GRK1: variants seen among roughly 807,000 people sequenced by gnomAD.
GRK1 encodes G protein-coupled receptor kinase 1.
A neutral mutation model predicts 41.7 loss-of-function variants in GRK1; 28 were observed. That is an observed-to-expected ratio of 0.67 (90% CI 0.50 to 0.92). The LOEUF (loss-of-function observed/expected upper bound fraction) is 0.92. Ranked by LOEUF, GRK1 falls within the 40% of genes least tolerant of loss-of-function variation. GRK1 has a pLI of 0.00. For missense variants in GRK1, 703 were observed against 671.2 expected, an observed-to-expected ratio of 1.05 and a Z score of -0.52; for synonymous variants, 327 against 286.7, an observed-to-expected ratio of 1.14 and a Z score of -1.42.
At position 113,731,622 on chromosome 13, in the gene GRK1, G is replaced by A. The variant is rs911524632; in HGVS notation, c.1194+279G>A. On this transcript the variant is annotated intron_variant, in intron 5 of 6. Coordinates refer to ENST00000335678, the MANE Select transcript of GRK1 (RefSeq NM_002929.3). This position sits in a 1 kb window ranked among gnomAD's most constrained non-coding sequence, Gnocchi z 5.6. ...AGCAAGCAGACCCTCCCACCAGACA[G>A]CACGCCACCACTCAGCCTCTGAGGG... is the stretch of plus-strand genomic sequence containing the variant. 6.6e-6 allele frequency among the ~76,000 whole-genome samples: 1 copy of A among 152,198 alleles called. No homozygotes were observed. The highest frequency in any genetic ancestry group is 1.5e-5 in the Non-Finnish European group (1 of 68,020).
At chr13:113,665,171 G>C (rs760049888), upstream of GRK1, among the ~76,000 whole-genome samples, 2 of 152,162 alleles carry the variant, frequency 1.3e-5, no homozygotes, top group African/African-American at 2.4e-5. Context: ...TCCTTTCTGC[G>C]ACCCTTTGCT....
rs981966802 is a variant in GRK1, at chr13:113,731,189, C to T, written c.1070-30C>T. ...GCGTGCCCACCATGGAGGTGACCAC[C>T]TCTGAACCCGCAATGTCCCTTGCTG... On this transcript the variant is annotated intron_variant, in intron 4 of 6. Coordinates refer to ENST00000335678, the MANE Select transcript of GRK1 (RefSeq NM_002929.3). The surrounding 1 kb of genome is among the most constrained non-coding windows in gnomAD (Gnocchi z 5.6). The T allele has an allele frequency of 2.0e-6, 3 of 1,535,116 alleles. No individual in the cohort carries two copies. The highest frequency in any genetic ancestry group is 2.7e-5 in the African/African-American group (2 of 73,030).
chr13:113,658,087 A>G, the GRK1 span: 1 of 1,612,248 alleles, frequency 6.2e-7, no homozygotes, highest in Non-Finnish European at 8.5e-7. Flanking sequence ...TTCCAGCAGT[A>G]ACGCTGGAAC....
chr13:113,668,159 C>T (rs2049832808), intron 1 of GRK1, 74 bp downstream of exon 1: 2 of 1,459,250 alleles, frequency 1.4e-6, no homozygotes, highest in African/African-American at 2.8e-5. Flanking sequence ...GCAGAGGGCC[C>T]CCAGGTCACT....
the GRK1 span, chr13:113,653,462 G>A: frequency 1.8e-5 from 29 of 1,583,332 alleles, no homozygotes; most frequent in East Asian, 1.1e-4. Context: ...TGTGCTTAGC[G>A]TCTCCAAATG....
chr13:113,733,666 TGTGCAC>T lies in GRK1; in HGVS notation c.1396+585_1396+590del, dbSNP rs768410502. 3.3e-3 allele frequency among the ~76,000 whole-genome samples: 305 copies of T among 93,004 alleles called. 6 individuals are homozygous for T. The highest frequency in any genetic ancestry group is 0.015 in the African/African-American group (293 of 19,868). The allele number at this position is 93,004 out of a possible 152,430, so 61.0% of individuals were successfully genotyped here. Reference sequence around the variant, plus strand: ...ATGTGTGCATACGTGTGTGTGCGTGTGTGCACGTGTGTGCATGTATGTGTGCATACA... The same window carrying T: ...ATGTGTGCATACGTGTGTGTGCGTGTGTGTGTGCATGTATGTGTGCATACA... On this transcript the variant is annotated intron_variant, in intron 6 of 6. Transcript: ENST00000335678.
upstream of GRK1, among the ~76,000 whole-genome samples, chr13:113,664,107 C>G (rs1345604887): frequency 1.3e-5 from 2 of 152,082 alleles, no homozygotes; most frequent in Admixed American, 6.6e-5. The surrounding 1 kb of genome is among the most constrained non-coding windows in gnomAD (Gnocchi z 5.4). Context: ...ATGGCTGACA[C>G]CTGGGAACAG....
At chr13:113,733,368 C>A (rs2049951818) in intron 6 of GRK1, among the ~76,000 whole-genome samples, 1 of 152,250 alleles carries the variant, frequency 6.6e-6, no homozygotes, top group African/African-American at 2.4e-5. Context: ...ACCACGTCCC[C>A]TGGTGCTGGA....
chr13:113,733,703 G>GCA (rs2049962485), intron 6 of GRK1, among the ~76,000 whole-genome samples: 7 of 148,124 alleles, frequency 4.7e-5, no homozygotes, highest in African/African-American at 1.3e-4. Context: ...ATACATGTGT[G>GCA]CGTGTGTGCG....
At chr13:113,652,767 T>G in the GRK1 span, 2 of 1,352,482 alleles carry the variant, frequency 1.5e-6, no homozygotes, top group South Asian at 2.5e-5. Context: ...CCTGTCCCGC[T>G]TGGGCAAGCC....
intron 4 of GRK1, among the ~76,000 whole-genome samples, chr13:113,724,968 G>A (rs990403566): frequency 6.6e-6 from 1 of 152,238 alleles, no homozygotes; most frequent in East Asian, 1.9e-4. Flanking sequence ...CAGGCCGAGG[G>A]TGAGGGCCCG....
In GRK1 at chr13:113,731,423, T is replaced by C; in HGVS notation, c.1194+80T>C. The C allele has an allele frequency of 1.3e-6, 2 of 1,515,366 alleles. No homozygotes were observed. Among genetic ancestry groups the C allele is most frequent in the Non-Finnish European group, 1.8e-6 (2 of 1,133,540 alleles). 93.9% of individuals were successfully genotyped at this position (1,515,366 alleles called of 1,614,324 possible). On this transcript the variant is annotated intron_variant, in intron 5 of 6. Transcript: ENST00000335678. The surrounding 1 kb of genome is among the most constrained non-coding windows in gnomAD (Gnocchi z 5.6). The stretch of plus-strand genomic sequence containing the variant: ...TGGGGACGGGGCAGTGATGGGATCG[T>C]TACTGGGGCAGACCTGGGAGTTGTT...
intron 6 of GRK1, among the ~76,000 whole-genome samples, chr13:113,733,960 G>GTGTGTA (rs2049978029): frequency 8.1e-6 from 1 of 124,020 alleles, no homozygotes; most frequent in African/African-American, 2.9e-5. Flanking sequence ...GTGTGCATAC[G>GTGTGTA]TGTGTGTGCG....
chr13:113,650,375 G>T, the GRK1 span: 1 of 1,588,074 alleles, frequency 6.3e-7, no homozygotes, highest in Non-Finnish European at 8.6e-7. The surrounding 1 kb of genome is among the most constrained non-coding windows in gnomAD (Gnocchi z 5.0). Flanking sequence ...CAGCAGCTGT[G>T]GTGAGGGAAG....
chr13:113,732,760 C>G (rs2049946216), intron 5 of GRK1, 124 bp from the exon 6 acceptor site: 1 of 968,112 alleles, frequency 1.0e-6, no homozygotes, highest in African/African-American at 1.6e-5. Context: ...GGGAGGGGCA[C>G]AAGGCCTCAT....
intron 4 of GRK1, among the ~76,000 whole-genome samples, chr13:113,727,068 C>T (rs753557243): frequency 1.1e-4 from 16 of 152,256 alleles, no homozygotes; most frequent in Non-Finnish European, 1.9e-4. Flanking sequence ...CGGGCCTGTC[C>T]GCCACTGTGT....
chr13:113,665,597 C>A (rs539676921), upstream of GRK1, among the ~76,000 whole-genome samples: 1 of 131,800 alleles, frequency 7.6e-6, no homozygotes, highest in South Asian at 2.4e-4. Flanking sequence ...TGTGCCCCAG[C>A]TGTCCCAGGT....
intron 1 of GRK1, among the ~76,000 whole-genome samples, chr13:113,668,600 G>A (rs1230034717): frequency 1.3e-5 from 2 of 152,260 alleles, no homozygotes; most frequent in Non-Finnish European, 2.9e-5. Context: ...GCTGTCCTCG[G>A]GGGTGGGAGT....
intron 1 of GRK1, 147 bp downstream of exon 1, chr13:113,668,232 G>A: frequency 1.2e-6 from 1 of 843,940 alleles, no homozygotes. Flanking sequence ...CTCGCCACGT[G>A]GGCGCCCCGC....
Sources: gnomAD v4.1 joint callset for allele counts (sites outside exome capture counted in the v4.1 genomes callset) on GRCh38, gnomAD v4.1.1 for gene constraint, Gnocchi (gnomAD v3.1) non-coding constraint, MANE v1.5 for transcripts, NCBI Gene and HGNC (gene_info 2026-07-23, HGNC 2026-07-21) for gene names.